LPP: variants seen among roughly 807,000 people sequenced by gnomAD.
LPP encodes the protein lipoma-preferred partner.
LPP carries 38 observed loss-of-function variants against 60.4 expected under a neutral mutation model. The observed-to-expected ratio is 0.63, with a 90% CI of 0.49 to 0.83. LPP has a LOEUF of 0.83. Among genes scored for constraint, LPP ranks in the 40% least tolerant of loss-of-function variants. The pLI is 0.00. For synonymous variants in LPP, 328 were observed against 290.8 expected (o/e 1.13, Z -1.30); for missense variants, 902 against 783.6 (o/e 1.15, Z -1.80).
chr3:188,173,862 A>G (rs1018466172), intron 1 of LPP, among the ~76,000 whole-genome samples: 1 of 152,228 alleles, frequency 6.6e-6, no homozygotes. Context: ...TCCTTGTTGA[A>G]TAAATGAGTG....
intron 4 of LPP, among the ~76,000 whole-genome samples, chr3:188,432,396 A>G (rs183745127): frequency 6.6e-6 from 1 of 152,308 alleles, no homozygotes; most frequent in Non-Finnish European, 1.5e-5. Flanking sequence ...TGATAAAAGT[A>G]TGTCAAAATG....
intron 9 of LPP, 149 bp downstream of exon 9, chr3:188,760,431 T>TGC: frequency 4.1e-6 from 3 of 735,192 alleles, no homozygotes; most frequent in African/African-American, 3.7e-5. Flanking sequence ...TGTGTGTGTG[T>TGC]GTGTGCGTGC....
At chr3:188,179,024 G>T (rs1426462948) in intron 1 of LPP, 7 of 296,536 alleles carry the variant, frequency 2.4e-5, no homozygotes, top group African/African-American at 1.0e-4. Flanking sequence ...GCAAGAGAGA[G>T]GGAGGGAGAG....
chr3:188,881,885 G>A lies in LPP; in HGVS notation c.*7406G>A, dbSNP rs1005680449. The A allele has an allele frequency of 1.9e-5, 4 of 215,766 alleles. No homozygotes were observed. Among genetic ancestry groups the A allele is most frequent in the South Asian group, 1.9e-4 (1 of 5,394 alleles). 13.4% of individuals were successfully genotyped at this position (215,766 alleles called of 1,614,324 possible). On this transcript the variant is annotated 3_prime_UTR_variant, in exon 12 of 12. Coordinates refer to ENST00000617246, the MANE Select transcript of LPP (RefSeq NM_001375462.1). Reference sequence around the variant, plus strand: ...AAATATTTGCTGGTTGATTGATTTCGAGATTCATTCATTCTGTGCTCAAAT... The same window carrying A: ...AAATATTTGCTGGTTGATTGATTTCAAGATTCATTCATTCTGTGCTCAAAT...
intron 1 of LPP, among the ~76,000 whole-genome samples, chr3:188,162,837 G>A (rs761176848): frequency 2.6e-5 from 4 of 152,214 alleles, no homozygotes; most frequent in Admixed American, 6.5e-5. Flanking sequence ...TGCTTGTGGG[G>A]CTGAAAGGAT....
chr3:188,616,227 T>C (rs1273030347), intron 7 of LPP, among the ~76,000 whole-genome samples: 1 of 152,200 alleles, frequency 6.6e-6, no homozygotes, highest in East Asian at 1.9e-4. Context: ...GGGTTTTACA[T>C]TTAAGTATTT....
chr3:188,574,220 A>C (rs559251810), intron 6 of LPP, among the ~76,000 whole-genome samples: 1 of 152,122 alleles, frequency 6.6e-6, no homozygotes, highest in Non-Finnish European at 1.5e-5. Flanking sequence ...TGAAAAACGT[A>C]TATAATAACC....
chr3:188,305,981 G>T (rs986347007), intron 2 of LPP, among the ~76,000 whole-genome samples: 1 of 152,184 alleles, frequency 6.6e-6, no homozygotes, highest in African/African-American at 2.4e-5. Flanking sequence ...TTCTGTTTCT[G>T]TACCTAACTT....
intron 8 of LPP, among the ~76,000 whole-genome samples, chr3:188,754,158 A>T (rs1377349200): frequency 6.6e-6 from 1 of 152,214 alleles, no homozygotes; most frequent in South Asian, 2.1e-4. Flanking sequence ...CAGAAGAGCC[A>T]TATGATAAAT....
chr3:188,241,995 C>G (rs1045639331), intron 2 of LPP, among the ~76,000 whole-genome samples: 8 of 152,110 alleles, frequency 5.3e-5, no homozygotes, highest in Admixed American at 3.3e-4. Flanking sequence ...TGTATGTCCT[C>G]TTGAGTTACA....
chr3:188,263,066 G>A (rs1389155409), intron 2 of LPP, among the ~76,000 whole-genome samples: 1 of 151,968 alleles, frequency 6.6e-6, no homozygotes, highest in East Asian at 1.9e-4. Context: ...GGAGTGTTCC[G>A]GCTAGACTAA....
chr3:188,502,170 C>T (rs1387457071), intron 5 of LPP, among the ~76,000 whole-genome samples: 1 of 152,142 alleles, frequency 6.6e-6, no homozygotes, highest in Non-Finnish European at 1.5e-5. Flanking sequence ...TCCTGACTTA[C>T]CTATTGTTTG....
intron 5 of LPP, among the ~76,000 whole-genome samples, chr3:188,502,484 A>C (rs1011613632): frequency 6.6e-6 from 1 of 152,066 alleles, no homozygotes; most frequent in African/African-American, 2.4e-5. Context: ...CTTTCATTTT[A>C]AACTGTTTGT....
At chr3:188,698,187 C>T (rs1338031319) in intron 7 of LPP, among the ~76,000 whole-genome samples, 1 of 152,058 alleles carries the variant, frequency 6.6e-6, no homozygotes, top group Non-Finnish European at 1.5e-5. Context: ...AAACGTGTGC[C>T]TGGAGTCACT....
At chr3:188,364,703 C>T (rs1252295335) in intron 3 of LPP, among the ~76,000 whole-genome samples, 2 of 152,128 alleles carry the variant, frequency 1.3e-5, no homozygotes, top group Non-Finnish European at 1.5e-5. Context: ...AAAAGACTTC[C>T]CAGGCTGAGT....
chr3:188,434,656 A>T (rs1182517135), intron 4 of LPP, among the ~76,000 whole-genome samples: 1 of 152,198 alleles, frequency 6.6e-6, no homozygotes, highest in Non-Finnish European at 1.5e-5. Context: ...AACCTGAGGC[A>T]ATTCCCCCTG....
At chr3:188,556,851 G>A (rs1829603178) in intron 6 of LPP, among the ~76,000 whole-genome samples, 1 of 151,998 alleles carries the variant, frequency 6.6e-6, no homozygotes, top group Non-Finnish European at 1.5e-5. Flanking sequence ...TAATGTAGAA[G>A]TGATAGGGTA....
intron 7 of LPP, among the ~76,000 whole-genome samples, chr3:188,634,521 C>T (rs530690429): frequency 3.9e-4 from 60 of 152,324 alleles, no homozygotes; most frequent in African/African-American, 1.2e-3. Flanking sequence ...TGGTCAGTGG[C>T]GGGCAAGTGG....
At chr3:188,681,392 C>T (rs1336956451) in intron 7 of LPP, among the ~76,000 whole-genome samples, 1 of 152,188 alleles carries the variant, frequency 6.6e-6, no homozygotes, top group East Asian at 1.9e-4. Context: ...GGCTCAACAT[C>T]TCCAGTCCCC....
Sources: allele counts gnomAD v4.1 joint callset (sites outside exome capture counted in the v4.1 genomes callset), GRCh38; gene constraint gnomAD v4.1.1; transcripts MANE v1.5; gene names NCBI Gene and HGNC (gene_info 2026-07-23, HGNC 2026-07-21).